The following ATG4D variants were observed in gnomAD, a reference collection of about 807,000 sequenced individuals.
ATG4D encodes the protein cysteine protease ATG4D.
In ATG4D, 51 loss-of-function variants were observed where a neutral mutation model predicts 55.2. The observed-to-expected ratio is 0.92, with a 90% confidence interval of 0.74 to 1.17. The LOEUF (loss-of-function observed/expected upper bound fraction) is 1.17. Among genes scored for constraint, ATG4D ranks in the 50% most tolerant of loss-of-function variants. ATG4D has a pLI of 0.00. For missense variants in ATG4D, 635 were observed against 649.6 expected, an observed-to-expected ratio of 0.98 and a Z score of 0.25; for synonymous variants, 268 against 266.2, an observed-to-expected ratio of 1.01 and a Z score of -0.07.
intron 6 of ATG4D, among the ~76,000 whole-genome samples, chr19:10,549,564 T>C (rs8103305): frequency 0.39 from 59,661 of 151,930 alleles, 12,625 homozygotes; most frequent in Non-Finnish European, 0.48. Flanking sequence ...ACTACAGGCG[T>C]GTGCCACCAC....
chr19:10,552,249 G>A lies in ATG4D; in HGVS notation c.1167G>A (p.Met389Ile). 2 of 1,613,616 alleles carry A rather than the reference G, an allele frequency of 1.2e-6. No individual in the cohort carries two copies. The change falls in exon 9 of 10, where the codon ATG becomes ATA. Residue 389 changes from methionine (M) to isoleucine (I), a missense_variant. Met to Ile is a conservative substitution (Grantham distance 10, BLOSUM62 1). Coordinates refer to ENST00000309469, the MANE Select transcript of ATG4D (RefSeq NM_032885.6). ...CCCGCAAGATGGCCTTTGCCAAGAT[G>A]GACCCAAGCTGTACCGTGGGCTTCT... ...TSPRKMAFAK[M>I]DPSCTVGFYA... is the part of the protein sequence containing the mutation.
chr19:10,553,291 C>T lies in ATG4D; in HGVS notation c.*224C>T, dbSNP rs1916991802. The T allele has an allele frequency of 1.8e-6, 1 of 544,112 alleles. No homozygotes were observed. Among genetic ancestry groups the T allele is most frequent in the Admixed American group, 3.2e-5 (1 of 31,600 alleles). The allele number at this position is 544,112 out of a possible 1,614,324, so 33.7% of individuals were successfully genotyped here. A position where few individuals can be genotyped will look rare whatever the true frequency, so the allele number is the denominator to read the frequency against. On this transcript the variant is annotated 3_prime_UTR_variant, in exon 10 of 10. Coordinates refer to ENST00000309469, the MANE Select transcript of ATG4D (RefSeq NM_032885.6). The stretch of plus-strand genomic sequence containing the variant: ...CTCCTGGCAGGGTAGGGAAGGAGGA[C>T]CCCGGGCACCCCCCTCAGGGCCTGA...
At chr19:10,548,785 G>A in intron 5 of ATG4D, 119 bp from the exon 6 acceptor site, 1 of 1,424,828 alleles carries the variant, frequency 7.0e-7, no homozygotes, top group South Asian at 1.4e-5. Flanking sequence ...TTTGGTTAGT[G>A]ATGACAGTGT....
Position 10,553,303 on chromosome 19 carries a change from C to T in ATG4D, c.*236C>T. ...TAGGGAAGGAGGACCCCGGGCACCC[C>T]CCTCAGGGCCTGACTCACGTACTGT... is the stretch of plus-strand genomic sequence containing the variant. On this transcript the variant is annotated 3_prime_UTR_variant, in exon 10 of 10. Coordinates refer to ENST00000309469, the MANE Select transcript of ATG4D (RefSeq NM_032885.6). 1.9e-6 allele frequency: 1 copy of T among 523,518 alleles called. No homozygotes were observed. The highest frequency in any genetic ancestry group is 3.3e-6 in the Non-Finnish European group (1 of 298,680). 32.4% of individuals were successfully genotyped at this position (523,518 alleles called of 1,614,324 possible). A position where few individuals can be genotyped will look rare whatever the true frequency, so the allele number is the denominator to read the frequency against.
At position 10,547,007 on chromosome 19, in the gene ATG4D, A is replaced by T. The variant is rs772092676; in HGVS notation, c.662A>T (p.Asp221Val). 6.3e-6 allele frequency: 10 copies of T among 1,589,222 alleles called. No individual in the cohort carries two copies. In the South Asian group the frequency reaches 1.1e-4, roughly 18 times the overall value. ...CGGCAGATTGTGTCCTGGTTCGCCG[A>T]CCACCCCCGGGCCCCCTTTGGCCTA... is the stretch of plus-strand genomic sequence containing the variant. ...RHRQIVSWFA[D>V]HPRAPFGLHR... The change falls in exon 4 of 10, where the codon GAC becomes GTC. Residue 221 changes from aspartate (D) to valine (V), a missense_variant. Coordinates refer to ENST00000309469, the MANE Select transcript of ATG4D (RefSeq NM_032885.6).
chr19:10,551,697 C>CAAAA (rs35373422), intron 6 of ATG4D, among the ~76,000 whole-genome samples, 200 bp from the exon 7 acceptor site: 4 of 93,014 alleles, frequency 4.3e-5, no homozygotes, highest in African/African-American at 9.6e-5. Context: ...GACTCCGTCT[C>CAAAA]AAAAAAAAAA....
At position 10,544,863 on chromosome 19, in the gene ATG4D, G is replaced by A; in HGVS notation, c.316G>A (p.Glu106Lys). The A allele has an allele frequency of 1.9e-6, 3 of 1,609,450 alleles. No homozygotes were observed. The highest frequency in any genetic ancestry group is 2.2e-5 in the East Asian group (1 of 44,856). The part of the protein sequence containing the change: ...LCGRRYRFEG[E>K]GDIQRFQRDF... ...TGGCCGCCGCTACCGTTTCGAGGGC[G>A]AGGGTGAGCTGGTGGTTGGGACCAG... The change falls in exon 2 of 10, where the codon GAG becomes AAG. Residue 106 changes from glutamate (E) to lysine (K), a missense_variant. Coordinates refer to ENST00000309469, the MANE Select transcript of ATG4D (RefSeq NM_032885.6).
In ATG4D at chr19:10,544,948, C is replaced by G; in HGVS notation, c.320-9C>G. 1 of 1,583,550 alleles carries G rather than the reference C, an allele frequency of 6.3e-7. No individual in the cohort carries two copies. The highest frequency in any genetic ancestry group is 8.6e-7 in the Non-Finnish European group (1 of 1,162,674). ...TCCCTGGTGGCAGCTGACAGACCCG[C>G]TCTTGTAGGTGACATACAGCGTTTC... On this transcript the variant is annotated splice_polypyrimidine_tract_variant and intron_variant, in intron 2 of 9. Transcript: ENST00000309469.
intron 6 of ATG4D, among the ~76,000 whole-genome samples, chr19:10,550,729 T>TTTTTTA (rs1916195177): frequency 7.2e-6 from 1 of 139,786 alleles, no homozygotes; most frequent in African/African-American, 2.6e-5. Context: ...TTTTTTTTTT[T>TTTTTTA]GAGACGGAGT....
chr19:10,549,988 A>G (rs116822832), intron 6 of ATG4D, among the ~76,000 whole-genome samples: 2,575 of 150,982 alleles, frequency 0.017, 57 homozygotes, highest in African/African-American at 0.054. Context: ...TCTGGGCAAC[A>G]TAGTGAGACC....
intron 1 of ATG4D, 77 bp from the exon 2 acceptor site, chr19:10,544,706 C>G: frequency 6.3e-7 from 1 of 1,592,858 alleles, no homozygotes; most frequent in Non-Finnish European, 8.5e-7. Context: ...GCCCATTTCA[C>G]AGATGGGGGA....
chr19:10,544,108 G>C lies in ATG4D; in HGVS notation c.18G>C (p.Pro6=). ...GCGCGTCCATGAACTCAGTGTCGCC[G>C]GCCGCCGCGCAGTACCGGAGCAGCA... MNSVS[P]AAAQYRSSSP... is the part of the protein sequence containing the mutation. The change falls in exon 1 of 10, where the codon CCG becomes CCC. Residue 6 remains proline, a synonymous_variant. Transcript: ENST00000309469. 2 of 1,241,294 alleles carry C rather than the reference G, an allele frequency of 1.6e-6. No individual in the cohort carries two copies. The highest frequency in any genetic ancestry group is 2.0e-6 in the Non-Finnish European group (2 of 985,670). The allele number at this position is 1,241,294 out of a possible 1,614,324, so 76.9% of individuals were successfully genotyped here.
At chr19:10,552,738 C>G (rs1916317880) in intron 9 of ATG4D, 147 bp from the exon 10 acceptor site, 3 of 866,050 alleles carry the variant, frequency 3.5e-6, no homozygotes. Flanking sequence ...ATGGCTGAGC[C>G]AATCACTGTG....
rs529843097 is a variant in ATG4D, at chr19:10,552,581, G to A, written c.1242+257G>A. Among the ~76,000 whole-genome samples, 405 of 152,334 alleles carry A rather than the reference G, an allele frequency of 2.7e-3. 1 individual carries two copies. The highest frequency in any genetic ancestry group is 4.1e-3 in the Non-Finnish European group (282 of 68,028). ...ACCCTCCCTGTCTCTTGGCCCTGCT[G>A]TCCGACCAGGACTCTACCCTTATGG... On this transcript the variant is annotated intron_variant, in intron 9 of 9. Coordinates refer to ENST00000309469, the MANE Select transcript of ATG4D (RefSeq NM_032885.6).
Position 10,544,035 on chromosome 19 carries a change from G to A in ATG4D, c.-56G>A, listed in dbSNP as rs961482005. 54 of 1,181,244 alleles carry A rather than the reference G, an allele frequency of 4.6e-5. No homozygotes were observed. Among genetic ancestry groups the A allele is most frequent in the Non-Finnish European group, 5.1e-5 (48 of 943,252 alleles). 73.2% of individuals were successfully genotyped at this position (1,181,244 alleles called of 1,614,324 possible). On this transcript the variant is annotated 5_prime_UTR_variant, in exon 1 of 10. Coordinates refer to ENST00000309469, the MANE Select transcript of ATG4D (RefSeq NM_032885.6). ...TGAACCGGCTGCGGGTCGCCCTTGG[G>A]GGGCAGCGGCCGCAGCCCCCCACCT...
In ATG4D at chr19:10,547,220, CG is replaced by C; in HGVS notation, c.803del (p.Arg268ProfsTer54). On this transcript the variant is annotated frameshift_variant, in exon 5 of 10. Transcript: ENST00000309469. LOFTEE classifies it high-confidence loss of function. The part of the protein sequence containing the change: ...KAVESCSDVT[R>X]LVVYVSQDCT... Reference sequence around the variant, plus strand: ...CGTGGAGAGCTGCTCCGACGTCACCCGCCTGGTGGTGTACGTTTCTCAGGAC... The same window carrying C: ...CGTGGAGAGCTGCTCCGACGTCACCCCCTGGTGGTGTACGTTTCTCAGGAC... 6.2e-7 allele frequency: 1 copy of C among 1,614,002 alleles called. No homozygotes were observed. Among genetic ancestry groups the C allele is most frequent in the Non-Finnish European group, 8.5e-7 (1 of 1,179,956 alleles).
rs371193255 is a variant in ATG4D at position 10,547,211 on chromosome 19, G to A, written c.793G>A (p.Asp265Asn). Reference sequence around the variant, plus strand: ...CAGGAAAGCCGTGGAGAGCTGCTCCGACGTCACCCGCCTGGTGGTGTACGT... The same window carrying A: ...CAGGAAAGCCGTGGAGAGCTGCTCCAACGTCACCCGCCTGGTGGTGTACGT... ...ILRKAVESCSDVTRLVVYVSQ... is the reference protein window; with the variant it reads ...ILRKAVESCSNVTRLVVYVSQ... Residue 265 changes from aspartate to asparagine, a missense_variant, in exon 5 of 10, where the codon GAC becomes AAC. By Grantham distance (23) the Asp-to-Asn change is conservative. Transcript: ENST00000309469. The A allele has an allele frequency of 2.5e-5, 41 of 1,613,874 alleles. No individual in the cohort carries two copies. Among genetic ancestry groups the A allele is most frequent in the South Asian group, 2.3e-4 (21 of 91,086 alleles).
In ATG4D at chr19:10,547,037, G is replaced by A. The variant is rs368697131; in HGVS notation, c.692G>A (p.Arg231Gln). 2.0e-5 allele frequency: 31 copies of A among 1,586,102 alleles called. No individual in the cohort carries two copies. The highest frequency in any genetic ancestry group is 2.5e-5 in the Non-Finnish European group (29 of 1,167,468). Residue 231 changes from arginine (R) to glutamine (Q), a missense_variant, in exon 4 of 10, where the codon CGG becomes CAG. Arg to Gln is a conservative substitution (Grantham distance 43). Transcript: ENST00000309469. ...DHPRAPFGLHRLVELGQSSGK... is the reference protein window; with the variant it reads ...DHPRAPFGLHQLVELGQSSGK... ...CCCCGGGCCCCCTTTGGCCTACACC[G>A]GCTGGTGGAGCTTGGGCAGAGCTCA...
intron 6 of ATG4D, 34 bp downstream of exon 6, chr19:10,549,068 T>G: frequency 6.2e-7 from 1 of 1,612,470 alleles, no homozygotes; most frequent in South Asian, 1.1e-5. Flanking sequence ...CACCTCCACC[T>G]GGGAGCCCTC....
Sources: allele counts gnomAD v4.1 joint callset (sites outside exome capture counted in the v4.1 genomes callset), GRCh38; gene constraint gnomAD v4.1.1; transcripts MANE v1.5; gene names NCBI Gene and HGNC (gene_info 2026-07-23, HGNC 2026-07-21).